SERPIND1: variants seen among roughly 807,000 people sequenced by gnomAD.
The protein encoded by SERPIND1 is heparin cofactor 2.
A neutral mutation model predicts 35.0 loss-of-function variants in SERPIND1; 34 were observed. The ratio of observed to expected loss-of-function variants is 0.97; its 90% CI spans 0.74 to 1.29. SERPIND1 has a LOEUF of 1.29. SERPIND1 is among the 50% of genes most tolerant of loss of function. The pLI is 0.00. For missense variants in SERPIND1, 633 were observed against 637.7 expected (o/e 0.99, Z 0.08); for synonymous variants, 236 against 241.1 (o/e 0.98, Z 0.19).
At chr22:20,782,875 C>T (rs1027491858) in intron 2 of SERPIND1, among the ~76,000 whole-genome samples, 1 of 152,182 alleles carries the variant, frequency 6.6e-6, no homozygotes, top group African/African-American at 2.4e-5. Flanking sequence ...GGGAATCGAG[C>T]TTCACTCACA....
Position 20,784,107 on chromosome 22 carries a change from G to A in SERPIND1, c.1025G>A (p.Cys342Tyr). 2 of 1,614,186 alleles carry A rather than the reference G, an allele frequency of 1.2e-6. No homozygotes were observed. Among genetic ancestry groups the A allele is most frequent in the African/African-American group, 2.7e-5 (2 of 75,042 alleles). The change falls in exon 3 of 5, where the codon TGC becomes TAC. Residue 342 changes from cysteine to tyrosine, a missense_variant. Transcript: ENST00000215727. ...FLAANDQELD[C>Y]DILQLEYVGG... ...GCAGCAAATGACCAGGAGCTGGACT[G>A]CGACATCCTCCAGCTGGAATACGTG...
chr22:20,787,130 C>A lies in SERPIND1; in HGVS notation c.*64C>A. ...CCTCATTTTGTTTCCATTCCAACAACGAGAACAGAGATGTTCTGGCATCAT... is the reference window on the plus strand; with the variant it reads ...CCTCATTTTGTTTCCATTCCAACAAAGAGAACAGAGATGTTCTGGCATCAT... On this transcript the variant is annotated 3_prime_UTR_variant, in exon 5 of 5. Transcript: ENST00000215727. 1 of 1,405,286 alleles carries A rather than the reference C, an allele frequency of 7.1e-7. No individual in the cohort carries two copies. Among genetic ancestry groups the A allele is most frequent in the Non-Finnish European group, 1.0e-6 (1 of 992,568 alleles). The allele number at this position is 1,405,286 out of a possible 1,614,324, so 87.1% of individuals were successfully genotyped here. A position where few individuals can be genotyped will look rare whatever the true frequency, so the allele number is the denominator to read the frequency against.
At chr22:20,778,905 CTGACTGGTCCA>C (rs766616465) in intron 1 of SERPIND1, among the ~76,000 whole-genome samples, 8 of 151,958 alleles carry the variant, frequency 5.3e-5, no homozygotes, top group Non-Finnish European at 8.8e-5. Context: ...CATCTGTCCC[CTGACTGGTCCA>C]TGAGCCCCTG....
rs1270449922 is a variant in SERPIND1 at position 20,786,753 on chromosome 22, C to T, written c.1309-122C>T. 14 of 1,005,386 alleles carry T rather than the reference C, an allele frequency of 1.4e-5. No homozygotes were observed. The East Asian group carries it at 3.5e-4, about 25-fold the overall frequency. The allele number at this position is 1,005,386 out of a possible 1,614,324, so 62.3% of individuals were successfully genotyped here. ...TATTTTCAAGAGTGACTCTGACCAGCTGTGATTTCCACCTTACATGTTGTC... is the reference window on the plus strand; with the variant it reads ...TATTTTCAAGAGTGACTCTGACCAGTTGTGATTTCCACCTTACATGTTGTC... On this transcript the variant is annotated intron_variant, in intron 4 of 4. Coordinates refer to ENST00000215727, the MANE Select transcript of SERPIND1 (RefSeq NM_000185.4).
In SERPIND1 at chr22:20,786,164, T is replaced by C. The variant is rs773430152; in HGVS notation, c.1308+16T>C. On this transcript the variant is annotated intron_variant, in intron 4 of 4. Coordinates refer to ENST00000215727, the MANE Select transcript of SERPIND1 (RefSeq NM_000185.4). ...CATCGACCTGGTAACCACTCCCTTG[T>C]CCACCCCCGACCCGTCCCCAGGGTC... 1.9e-6 allele frequency: 3 copies of C among 1,613,632 alleles called. No individual in the cohort carries two copies. The South Asian group carries it at 3.3e-5, about 18-fold the overall frequency.
chr22:20,774,584 A>C (rs1601460629), intron 1 of SERPIND1, among the ~76,000 whole-genome samples: 1 of 152,148 alleles, frequency 6.6e-6, no homozygotes. Context: ...AACATGGTGA[A>C]GCCAAGTCTC....
intron 1 of SERPIND1, 138 bp from the exon 2 acceptor site, chr22:20,779,159 T>C: frequency 5.8e-6 from 9 of 1,540,990 alleles, no homozygotes; most frequent in Non-Finnish European, 7.0e-6. Flanking sequence ...TTAAAGTCCA[T>C]GATCCTAAAA....
chr22:20,776,044 G>A (rs1332436230), intron 1 of SERPIND1, among the ~76,000 whole-genome samples: 1 of 152,170 alleles, frequency 6.6e-6, no homozygotes, highest in Non-Finnish European at 1.5e-5. Context: ...TCTAGAGGCT[G>A]AGCATGGTAA....
Position 20,779,431 on chromosome 22 carries a change from C to T in SERPIND1, c.119C>T (p.Pro40Leu), listed in dbSNP as rs751166908. 21 of 1,614,194 alleles carry T rather than the reference C, an allele frequency of 1.3e-5. No homozygotes were observed. In the South Asian group the frequency reaches 2.2e-4, roughly 17 times the overall value. ...KGGETAQSAD[P>L]QWEQLNNKNL... ...GGGGAAACTGCTCAGTCTGCAGATC[C>T]CCAGTGGGAGCAGTTAAATAACAAA... Residue 40 changes from proline (P) to leucine (L), a missense_variant, in exon 2 of 5, where the codon CCC becomes CTC. Transcript: ENST00000215727.
intron 1 of SERPIND1, among the ~76,000 whole-genome samples, chr22:20,774,878 G>A (rs561763937): frequency 6.6e-6 from 1 of 152,032 alleles, no homozygotes; most frequent in South Asian, 2.1e-4. Flanking sequence ...GAACACACAC[G>A]TACGTACACA....
intron 4 of SERPIND1, 108 bp downstream of exon 4, chr22:20,786,256 G>C (rs1934216603): frequency 7.8e-7 from 1 of 1,274,166 alleles, no homozygotes; most frequent in East Asian, 2.3e-5. Flanking sequence ...TCCCAGCTTG[G>C]GGTGCTGAGT....
At chr22:20,782,489 T>G (rs1019383207) in intron 2 of SERPIND1, among the ~76,000 whole-genome samples, 1 of 152,250 alleles carries the variant, frequency 6.6e-6, no homozygotes, top group Non-Finnish European at 1.5e-5. Flanking sequence ...TAATTTCATA[T>G]GGAATCATCT....
At chr22:20,781,422 TCTG>T (rs1373090762) in intron 2 of SERPIND1, among the ~76,000 whole-genome samples, 1 of 152,224 alleles carries the variant, frequency 6.6e-6, no homozygotes, top group African/African-American at 2.4e-5. Flanking sequence ...GCCAGTGCTT[TCTG>T]CTAGTTAGCT....
In SERPIND1 at chr22:20,786,077, G is replaced by T. The variant is rs1200592480; in HGVS notation, c.1237G>T (p.Gly413Trp). The change falls in exon 4 of 5, where the codon GGG becomes TGG. Residue 413 changes from glycine (G) to tryptophan (W), a missense_variant. Gly to Trp is a radical substitution (Grantham distance 184). Coordinates refer to ENST00000215727, the MANE Select transcript of SERPIND1 (RefSeq NM_000185.4). ...YNLVESLKLM[G>W]IRMLFDKNGN... ...TCTAGTGGAGTCCCTGAAGTTGATG[G>T]GGATCAGGATGCTGTTTGACAAAAA... 1 of 1,613,998 alleles carries T rather than the reference G, an allele frequency of 6.2e-7. No individual in the cohort carries two copies. The highest frequency in any genetic ancestry group is 8.5e-7 in the Non-Finnish European group (1 of 1,180,036).
intron 1 of SERPIND1, 72 bp downstream of exon 1, chr22:20,774,217 T>C (rs1482722901): frequency 6.6e-6 from 1 of 152,220 alleles, no homozygotes; most frequent in Non-Finnish European, 1.5e-5. Flanking sequence ...AACTGGTTCA[T>C]TTTTCTAGCA....
chr22:20,780,509 T>A (rs1933687952), intron 2 of SERPIND1, among the ~76,000 whole-genome samples: 1 of 152,176 alleles, frequency 6.6e-6, no homozygotes, highest in Non-Finnish European at 1.5e-5. Flanking sequence ...GGCTCACGCC[T>A]GTAATCCCAG....
chr22:20,786,914 A>T lies in SERPIND1; in HGVS notation c.1348A>T (p.Thr450Ser). The T allele has an allele frequency of 3.1e-6, 5 of 1,614,154 alleles. No individual in the cohort carries two copies. The highest frequency in any genetic ancestry group is 4.2e-6 in the Non-Finnish European group (5 of 1,180,026). Residue 450 changes from threonine (T) to serine (S), a missense_variant, in exon 5 of 5, where the codon ACC becomes TCC. Transcript: ENST00000215727. ...CACGATCACAGTGAACGAGGAAGGC[A>T]CCCAAGCCACCACTGTGACCACGGT... ...QGTITVNEEG[T>S]QATTVTTVGF...
Position 20,779,621 on chromosome 22 carries a change from G to A in SERPIND1, c.309G>A (p.Pro103=), listed in dbSNP as rs781313741. The part of the protein sequence containing the change: ...IDIVDSLSVS[P]TDSDVSAGNI... The stretch of plus-strand genomic sequence containing the variant: ...TCGTCGACAGTCTGTCAGTTTCCCC[G>A]ACAGACTCTGATGTGAGTGCTGGGA... The change falls in exon 2 of 5, where the codon CCG becomes CCA. Residue 103 remains proline, a synonymous_variant. Coordinates refer to ENST00000215727, the MANE Select transcript of SERPIND1 (RefSeq NM_000185.4). 8.1e-6 allele frequency: 13 copies of A among 1,614,084 alleles called. No homozygotes were observed. Among genetic ancestry groups the A allele is most frequent in the South Asian group, 1.1e-5 (1 of 91,092 alleles).
At chr22:20,780,528 G>C (rs373448962) in intron 2 of SERPIND1, among the ~76,000 whole-genome samples, 1 of 152,198 alleles carries the variant, frequency 6.6e-6, no homozygotes, top group Non-Finnish European at 1.5e-5. Context: ...AGCACTTTGG[G>C]AGGCCGAGGC....
Sources: allele counts gnomAD v4.1 joint callset (sites outside exome capture counted in the v4.1 genomes callset), GRCh38; gene constraint gnomAD v4.1.1; transcripts MANE v1.5; gene names NCBI Gene and HGNC (gene_info 2026-07-23, HGNC 2026-07-21).